ALG9: variants seen among roughly 807,000 people sequenced by gnomAD.
ALG9 encodes alpha-1,2-mannosyltransferase ALG9.
In ALG9, 55 loss-of-function variants were observed where a neutral mutation model predicts 81.8. That is an observed-to-expected ratio of 0.67 (90% CI 0.54 to 0.84). ALG9 has a LOEUF of 0.84. ALG9 is among the 40% of genes least tolerant of loss of function. ALG9 has a pLI of 0.00. For synonymous variants in ALG9, 278 were observed against 274.3 expected (o/e 1.01, Z -0.13); for missense variants, 629 against 745.0 (o/e 0.84, Z 1.81).
At chr11:111,775,461 C>G in the ALG9 span, among the ~76,000 whole-genome samples, 4 of 152,162 alleles carry the variant, frequency 2.6e-5, no homozygotes, top group Non-Finnish European at 4.4e-5. Context: ...TCTGATTTAG[C>G]TATGTGGTTA....
At position 111,836,307 on chromosome 11, in the gene ALG9, CA is replaced by C. The variant is rs1955265824; in HGVS notation, c.1473-14del. The C allele has an allele frequency of 6.2e-7, 1 of 1,613,656 alleles. No individual in the cohort carries two copies. The highest frequency in any genetic ancestry group is 1.3e-5 in the African/African-American group (1 of 74,852). ...CTGAAGCTGCCAACTGTCAGAAACA[CA>C]AGGAGAATAAGAAAAACACAGGGGG... On this transcript the variant is annotated splice_polypyrimidine_tract_variant and intron_variant, in intron 12 of 14. Transcript: ENST00000616540.
At chr11:111,832,169 A>G (rs1954481515) in intron 13 of ALG9, among the ~76,000 whole-genome samples, 1 of 152,242 alleles carries the variant, frequency 6.6e-6, no homozygotes, top group Non-Finnish European at 1.5e-5. Context: ...CCAGGCCACA[A>G]GCAAACTTCA....
At chr11:111,829,465 C>T (rs1416357328) in intron 13 of ALG9, among the ~76,000 whole-genome samples, 2 of 152,156 alleles carry the variant, frequency 1.3e-5, no homozygotes, top group Non-Finnish European at 2.9e-5. Flanking sequence ...ATAAGCACCT[C>T]TAAACCAAAA....
chr11:111,865,841 A>T (rs538493324), intron 3 of ALG9, among the ~76,000 whole-genome samples: 1 of 152,066 alleles, frequency 6.6e-6, no homozygotes, highest in East Asian at 1.9e-4. Context: ...TTTTCCTCCT[A>T]TCTTCCAAAG....
At chr11:111,840,911 G>A in intron 9 of ALG9, 102 bp from the exon 10 acceptor site, 2 of 1,343,240 alleles carry the variant, frequency 1.5e-6, no homozygotes, top group South Asian at 2.4e-5. Flanking sequence ...TATGCCCTAG[G>A]ACACTCCATA....
At chr11:111,871,169 G>A in intron 1 of ALG9, 183 bp downstream of exon 1, 1 of 1,294,254 alleles carries the variant, frequency 7.7e-7, no homozygotes, top group East Asian at 3.3e-5. Context: ...GATCTAAGGT[G>A]GGCGAAGACT....
intron 13 of ALG9, among the ~76,000 whole-genome samples, chr11:111,811,394 T>C (rs1167764293): frequency 2.6e-5 from 4 of 151,904 alleles, no homozygotes; most frequent in African/African-American, 9.7e-5. Flanking sequence ...AATACAGAAA[T>C]TAGCTGGGTG....
intron 1 of ALG9, chr11:111,870,852 C>T: frequency 4.0e-6 from 4 of 1,003,234 alleles, no homozygotes; most frequent in Non-Finnish European, 4.7e-6. Context: ...TTTATTCATT[C>T]CCCCTTATGT....
Position 111,784,959 on chromosome 11 carries a change from C to T in ALG9, c.*1438G>A, listed in dbSNP as rs1202197881. 6.6e-6 allele frequency: 1 copy of T among 152,572 alleles called. No homozygotes were observed. Among genetic ancestry groups the T allele is most frequent in the Admixed American group, 6.5e-5 (1 of 15,282 alleles). 9.5% of individuals were successfully genotyped at this position (152,572 alleles called of 1,614,324 possible). ...ACACAGCACTGCTGTGCTGGTCTAA[C>T]ACACAGGCAGACTGGAGGCTCCAAA... On this transcript the variant is annotated 3_prime_UTR_variant, in exon 15 of 15. Coordinates refer to ENST00000616540, the MANE Select transcript of ALG9 (RefSeq NM_024740.2).
the ALG9 span, among the ~76,000 whole-genome samples, chr11:111,774,719 C>T: frequency 6.6e-6 from 1 of 152,202 alleles, no homozygotes; most frequent in East Asian, 1.9e-4. Flanking sequence ...GAATTTTGAA[C>T]CATGAAGATT....
At chr11:111,863,860 T>C (rs1961284275) in intron 4 of ALG9, among the ~76,000 whole-genome samples, 1 of 152,080 alleles carries the variant, frequency 6.6e-6, no homozygotes, top group African/African-American at 2.4e-5. Flanking sequence ...GGACCGAAAA[T>C]AGGGTTCTAC....
Position 111,782,432 on chromosome 11 carries a change from C to A in ALG9, c.*3965G>T, listed in dbSNP as rs79900413. The A allele has an allele frequency of 6.6e-6, 1 of 152,494 alleles. No homozygotes were observed. Among genetic ancestry groups the A allele is most frequent in the African/African-American group, 2.4e-5 (1 of 41,338 alleles). 9.4% of individuals were successfully genotyped at this position (152,494 alleles called of 1,614,324 possible). ...ACACCAGAAAGCCTCTGAAATCCAA[C>A]GATGCCATACGGAAGTCTGATCTTT... On this transcript the variant is annotated 3_prime_UTR_variant, in exon 15 of 15. Transcript: ENST00000616540.
rs1555159208 is a variant in ALG9, at chr11:111,871,525, G to T, written c.-43C>A. ...AAGAATTCGGCACCCTATGAAGTCG[G>T]TGAGCGCGCAGACATAGCTTTGGCT... is the stretch of plus-strand genomic sequence containing the variant. On this transcript the variant is annotated 5_prime_UTR_variant, in exon 1 of 15. Transcript: ENST00000616540. 3 of 1,535,148 alleles carry T rather than the reference G, an allele frequency of 2.0e-6. No homozygotes were observed. Among genetic ancestry groups the T allele is most frequent in the Non-Finnish European group, 2.6e-6 (3 of 1,146,238 alleles).
chr11:111,795,805 A>C (rs1948188437), intron 14 of ALG9, among the ~76,000 whole-genome samples: 1 of 152,252 alleles, frequency 6.6e-6, no homozygotes. Context: ...GCAAATATTC[A>C]GAGTGAGGAA....
Position 111,784,656 on chromosome 11 carries a change from T to G in ALG9, c.*1741A>C, listed in dbSNP as rs1280779221. On this transcript the variant is annotated 3_prime_UTR_variant, in exon 15 of 15. Transcript: ENST00000616540. ...TTGCTTCAACCTGGGAGGCAGAGGT[T>G]GCAGCGAGCCGAGATCGCGCCACTG... 1.3e-5 allele frequency: 2 copies of G among 151,860 alleles called. No individual in the cohort carries two copies. The highest frequency in any genetic ancestry group is 2.9e-5 in the Non-Finnish European group (2 of 68,010). 9.4% of individuals were successfully genotyped at this position (151,860 alleles called of 1,614,324 possible).
downstream of ALG9, among the ~76,000 whole-genome samples, chr11:111,780,235 G>C (rs1591736145): frequency 2.6e-5 from 4 of 152,084 alleles, no homozygotes; most frequent in Admixed American, 2.6e-4. Context: ...ATTCAATAAA[G>C]GTACCCTTTC....
chr11:111,773,446 T>C, the ALG9 span, among the ~76,000 whole-genome samples: 3 of 152,098 alleles, frequency 2.0e-5, no homozygotes, highest in South Asian at 2.1e-4. Context: ...GGTTTCACCA[T>C]GTTCGCCAGG....
At chr11:111,853,226 T>C (rs1555140330) in intron 8 of ALG9, among the ~76,000 whole-genome samples, 154 bp downstream of exon 8, 2 of 152,204 alleles carry the variant, frequency 1.3e-5, no homozygotes, top group Admixed American at 6.5e-5. Context: ...CGTGTCATCA[T>C]TGTGCTATAC....
intron 2 of ALG9, among the ~76,000 whole-genome samples, chr11:111,869,422 A>G (rs1483423247): frequency 6.6e-6 from 1 of 152,226 alleles, no homozygotes; most frequent in African/African-American, 2.4e-5. Context: ...ACTATTTAGT[A>G]ACACTATTTT....
Sources: allele counts gnomAD v4.1 joint callset (sites outside exome capture counted in the v4.1 genomes callset), GRCh38; gene constraint gnomAD v4.1.1; transcripts MANE v1.5; gene names NCBI Gene and HGNC (gene_info 2026-07-23, HGNC 2026-07-21).